SNX4: variants seen among roughly 807,000 people sequenced by gnomAD.
SNX4 encodes the protein sorting nexin 4, also known as sorting nexin-4.
A neutral mutation model predicts 70.8 loss-of-function variants in SNX4; 49 were observed. The ratio of observed to expected loss-of-function variants is 0.69; its 90% CI spans 0.55 to 0.88. SNX4 has a LOEUF of 0.88. SNX4 is among the 40% of genes least tolerant of loss of function. The pLI is 0.00. For missense variants in SNX4, 528 were observed against 544.8 expected, an observed-to-expected ratio of 0.97 and a Z score of 0.31; for synonymous variants, 206 against 183.8, an observed-to-expected ratio of 1.12 and a Z score of -0.98.
At chr3:125,502,853 CAAA>C (rs376503388) in intron 2 of SNX4, among the ~76,000 whole-genome samples, 1 of 86,652 alleles carries the variant, frequency 1.2e-5, no homozygotes, top group South Asian at 4.1e-4. Flanking sequence ...GACTCCATCT[CAAA>C]AAAAAAAAAA....
At chr3:125,474,133 A>G (rs1226444346) in intron 8 of SNX4, among the ~76,000 whole-genome samples, 1 of 152,106 alleles carries the variant, frequency 6.6e-6, no homozygotes, top group Non-Finnish European at 1.5e-5. Flanking sequence ...GGCACCTACC[A>G]TGGTAACAGG....
chr3:125,452,218 C>T (rs1933593616), intron 12 of SNX4, among the ~76,000 whole-genome samples: 1 of 151,814 alleles, frequency 6.6e-6, no homozygotes, highest in Non-Finnish European at 1.5e-5. Flanking sequence ...CCTCAGTCTC[C>T]AGAGTAGCTG....
intron 1 of SNX4, among the ~76,000 whole-genome samples, chr3:125,515,664 CAA>C (rs3030895): frequency 0.49 from 49,553 of 102,094 alleles, 9,070 homozygotes; most frequent in Admixed American, 0.56. Context: ...GACTTGGCCT[CAA>C]AAAAAAAAAA....
chr3:125,492,868 G>A lies in SNX4; in HGVS notation c.598-3405C>T, dbSNP rs149751817. On this transcript the variant is annotated intron_variant, in intron 5 of 13. Transcript: ENST00000251775. ...AAGATTAACAGAGATCCTAACTAAG[G>A]GCCCAGACCTTGGCTCTGGTAGTCC... Among the ~76,000 whole-genome samples, 4 of 152,142 alleles carry A rather than the reference G, an allele frequency of 2.6e-5. No individual in the cohort carries two copies. The East Asian group carries it at 5.8e-4, about 22-fold the overall frequency.
chr3:125,479,572 A>AATC (rs1934358645), intron 7 of SNX4, among the ~76,000 whole-genome samples: 2 of 151,846 alleles, frequency 1.3e-5, no homozygotes, highest in African/African-American at 4.8e-5. Flanking sequence ...TAATAATAAT[A>AATC]ATAATAATAA....
intron 11 of SNX4, among the ~76,000 whole-genome samples, chr3:125,455,775 T>A (rs1034134986): frequency 3.3e-5 from 5 of 151,978 alleles, no homozygotes; most frequent in Non-Finnish European, 5.9e-5. Context: ...GCACTTTGGG[T>A]GGCCGAGGCG....
intron 6 of SNX4, among the ~76,000 whole-genome samples, chr3:125,484,379 C>T (rs975320050): frequency 5.9e-5 from 9 of 152,088 alleles, no homozygotes; most frequent in African/African-American, 1.9e-4. Context: ...TTCAGCCTCC[C>T]GAGTATCTGG....
intron 1 of SNX4, among the ~76,000 whole-genome samples, chr3:125,510,007 G>A (rs887339537): frequency 1.3e-5 from 2 of 152,104 alleles, no homozygotes; most frequent in Non-Finnish European, 2.9e-5. Context: ...CCCTATTGGC[G>A]GGAATGTAAA....
At chr3:125,484,346 T>G (rs1219452783) in intron 6 of SNX4, among the ~76,000 whole-genome samples, 1 of 152,164 alleles carries the variant, frequency 6.6e-6, no homozygotes, top group South Asian at 2.1e-4. Flanking sequence ...CCTCTGCCCC[T>G]TGAGTTCAAG....
intron 2 of SNX4, among the ~76,000 whole-genome samples, chr3:125,503,521 C>CT (rs1458844674): frequency 6.6e-6 from 1 of 151,968 alleles, no homozygotes; most frequent in African/African-American, 2.4e-5. Flanking sequence ...TTAAAGGTGT[C>CT]TACTTCCCTT....
At position 125,454,830 on chromosome 3, in the gene SNX4, G is replaced by A. The variant is rs996177036; in HGVS notation, c.1045-875C>T. Among the ~76,000 whole-genome samples, 15 of 152,146 alleles carry A rather than the reference G, an allele frequency of 9.9e-5. 1 individual carries two copies. Among genetic ancestry groups the A allele is most frequent in the Non-Finnish European group, 2.1e-4 (14 of 68,028 alleles). ...CTTCACAACCAGGGATCTCTTATAT[G>A]AGTTTTTATTTATTTTTACAGAGTC... is the stretch of plus-strand genomic sequence containing the variant. On this transcript the variant is annotated intron_variant, in intron 11 of 13. Coordinates refer to ENST00000251775, the MANE Select transcript of SNX4 (RefSeq NM_003794.4).
chr3:125,470,207 C>A (rs185578151), intron 8 of SNX4, among the ~76,000 whole-genome samples: 2 of 152,108 alleles, frequency 1.3e-5, no homozygotes, highest in Admixed American at 6.6e-5. Context: ...GTCTTATTTG[C>A]GTAATTTAAA....
chr3:125,464,458 T>A (rs894694838), intron 9 of SNX4, among the ~76,000 whole-genome samples: 2 of 152,094 alleles, frequency 1.3e-5, no homozygotes, highest in Non-Finnish European at 2.9e-5. Flanking sequence ...GGTTTTTTTT[T>A]TTCCATGTAG....
rs542640867 is a variant in SNX4 at position 125,472,131 on chromosome 3, C to T, written c.789-2612G>A. Reference sequence around the variant, plus strand: ...AGTCTTTTTTCTTAGTCCATTCTTTCACTCCAACCTCCAATTGCCATAATT... The same window carrying T: ...AGTCTTTTTTCTTAGTCCATTCTTTTACTCCAACCTCCAATTGCCATAATT... On this transcript the variant is annotated intron_variant, in intron 8 of 13. Transcript: ENST00000251775. 2.0e-5 allele frequency among the ~76,000 whole-genome samples: 3 copies of T among 152,202 alleles called. No homozygotes were observed. In the South Asian group the frequency reaches 6.2e-4, roughly 32 times the overall value.
At position 125,470,854 on chromosome 3, in the gene SNX4, T is replaced by TA. The variant is rs531210088; in HGVS notation, c.789-1336dup. On this transcript the variant is annotated intron_variant, in intron 8 of 13. Transcript: ENST00000251775. ...TTGTTTAAACATAAGAGTTCCAAGC[T>TA]AAAAAAAGGTTTGAAAATCACTGTC... is the stretch of plus-strand genomic sequence containing the variant. 3.9e-3 allele frequency among the ~76,000 whole-genome samples: 588 copies of TA among 152,126 alleles called. 2 individuals carry two copies. The highest frequency in any genetic ancestry group is 5.4e-3 in the Non-Finnish European group (365 of 67,984).
chr3:125,512,196 T>C (rs1935187553), intron 1 of SNX4, among the ~76,000 whole-genome samples: 1 of 152,210 alleles, frequency 6.6e-6, no homozygotes, highest in South Asian at 2.1e-4. Context: ...CCCTCATTGG[T>C]TGACACATAC....
At chr3:125,507,845 G>T (rs1045983593) in intron 1 of SNX4, among the ~76,000 whole-genome samples, 1 of 152,078 alleles carries the variant, frequency 6.6e-6, no homozygotes, top group Non-Finnish European at 1.5e-5. Flanking sequence ...CCCAAGAGGC[G>T]GAGGTTGCAG....
At chr3:125,511,818 A>C (rs1350379771) in intron 1 of SNX4, among the ~76,000 whole-genome samples, 1 of 152,222 alleles carries the variant, frequency 6.6e-6, no homozygotes, top group East Asian at 1.9e-4. Flanking sequence ...CAAAGGGTAC[A>C]AGAAAAAGCT....
chr3:125,452,032 C>T (rs555393976), intron 12 of SNX4, among the ~76,000 whole-genome samples: 3 of 152,110 alleles, frequency 2.0e-5, no homozygotes, highest in Non-Finnish European at 4.4e-5. Flanking sequence ...GTGTCAGTCA[C>T]AATGAAGTAA....
Sources: gnomAD v4.1 joint callset for allele counts (sites outside exome capture counted in the v4.1 genomes callset) on GRCh38, gnomAD v4.1.1 for gene constraint, MANE v1.5 for transcripts, NCBI Gene and HGNC (gene_info 2026-07-23, HGNC 2026-07-21) for gene names.